The following ATP6V1E2 variants were observed in gnomAD, a reference collection of about 807,000 sequenced individuals.
ATP6V1E2 encodes the protein V-type proton ATPase subunit E 2.
For synonymous variants in ATP6V1E2, 121 were observed against 104.2 expected (o/e 1.16, Z -0.98); for missense variants, 308 against 273.3 (o/e 1.13, Z -0.90).
intron 2 of ATP6V1E2, among the ~76,000 whole-genome samples, chr2:46,538,005 G>GTAGA (rs749662799): frequency 8.5e-5 from 13 of 152,068 alleles, no homozygotes; most frequent in Admixed American, 2.0e-4. Context: ...AAATCATAAT[G>GTAGA]TAGATGCCTC....
chr2:46,527,624 C>G (rs1016926630), intron 4 of ATP6V1E2, among the ~76,000 whole-genome samples: 2 of 152,152 alleles, frequency 1.3e-5, no homozygotes, highest in Non-Finnish European at 2.9e-5. Context: ...CTTCAGCCTC[C>G]CAAAGTGCTG....
chr2:46,512,414 G>A lies in ATP6V1E2; in HGVS notation c.298C>T (p.Leu100=). 6.2e-7 allele frequency: 1 copy of A among 1,614,140 alleles called. No homozygotes were observed. Among genetic ancestry groups the A allele is most frequent in the Non-Finnish European group, 8.5e-7 (1 of 1,180,022 alleles). Residue 100 remains leucine (L), a synonymous_variant, in exon 5 of 5, where the codon CTG becomes TTG. Transcript: ENST00000522587. ...TCCTCCACAATCCTGCTGAGTCTCA[G>A]CTTCGCCTCACTGAGCAAATCTGAG... ...LISDLLSEAK[L]RLSRIVEDPE...
chr2:46,523,570 T>C (rs1158377925), intron 4 of ATP6V1E2, among the ~76,000 whole-genome samples: 1 of 151,918 alleles, frequency 6.6e-6, no homozygotes, highest in African/African-American at 2.4e-5. Flanking sequence ...ATTTCTGAGG[T>C]CTCTGCTCCA....
chr2:46,525,053 A>T (rs549990810), intron 4 of ATP6V1E2, among the ~76,000 whole-genome samples: 109 of 152,308 alleles, frequency 7.2e-4, no homozygotes, highest in African/African-American at 2.5e-3. Flanking sequence ...GAGGGCCAGG[A>T]CACAAGACAA....
At chr2:46,538,935 T>C (rs963617824) in intron 2 of ATP6V1E2, among the ~76,000 whole-genome samples, 21 of 152,136 alleles carry the variant, frequency 1.4e-4, no homozygotes, top group African/African-American at 4.3e-4. Context: ...CACCACTGCA[T>C]TCCAGCCTGG....
intron 4 of ATP6V1E2, among the ~76,000 whole-genome samples, chr2:46,529,246 C>G (rs1248066611): frequency 6.6e-6 from 1 of 152,244 alleles, no homozygotes; most frequent in Admixed American, 6.5e-5. Flanking sequence ...CTCACCATGA[C>G]AAGTCCTGGC....
intron 1 of ATP6V1E2, 116 bp downstream of exon 1, chr2:46,542,101 G>C (rs1343955007): frequency 2.0e-5 from 3 of 152,110 alleles, no homozygotes; most frequent in Admixed American, 6.5e-5. Flanking sequence ...TCGTGCTACG[G>C]AAGGCGTGGG....
At chr2:46,541,483 T>C (rs970209612) in intron 1 of ATP6V1E2, 30 bp from the exon 2 acceptor site, 1 of 152,124 alleles carries the variant, frequency 6.6e-6, no homozygotes, top group Non-Finnish European at 1.5e-5. Flanking sequence ...AATACAACAG[T>C]GAGCATTTCC....
chr2:46,513,401 G>C (rs2103821199), intron 4 of ATP6V1E2, among the ~76,000 whole-genome samples: 1 of 152,276 alleles, frequency 6.6e-6, no homozygotes, highest in African/African-American at 2.4e-5. Flanking sequence ...GCTGCTGTTG[G>C]GTGGAATGTT....
rs1360455513 is a variant in ATP6V1E2 at position 46,530,061 on chromosome 2, C to T, written c.-102+5752G>A. 6.6e-6 allele frequency among the ~76,000 whole-genome samples: 1 copy of T among 152,184 alleles called. No individual in the cohort carries two copies. Among genetic ancestry groups the T allele is most frequent in the African/African-American group, 2.4e-5 (1 of 41,428 alleles). On this transcript the variant is annotated intron_variant, in intron 4 of 4. Transcript: ENST00000522587. The surrounding 1 kb of genome is among the most constrained non-coding windows in gnomAD (Gnocchi z 5.2). ...AAAGGGGGTTGAAGGATATCCCTGA[C>T]TGTAAGGCATCTGCTGGAAATTCCC...
chr2:46,542,523 A>C lies in ATP6V1E2; in HGVS notation c.-680T>G, dbSNP rs944098935. ...GCGCGCCCCTCCGCGCGGCCCTCGC[A>C]GGGAGTGGGGCTCGGGTGCGCCGGC... is the stretch of plus-strand genomic sequence containing the variant. On this transcript the variant is annotated 5_prime_UTR_variant, in exon 1 of 5. Transcript: ENST00000522587. 1.3e-5 allele frequency: 2 copies of C among 149,018 alleles called. No homozygotes were observed. Among genetic ancestry groups the C allele is most frequent in the Non-Finnish European group, 3.0e-5 (2 of 67,296 alleles). 9.2% of individuals were successfully genotyped at this position (149,018 alleles called of 1,614,324 possible). A position where few individuals can be genotyped will look rare whatever the true frequency, so the allele number is the denominator to read the frequency against.
At chr2:46,531,443 G>A (rs892316549) in intron 4 of ATP6V1E2, among the ~76,000 whole-genome samples, 6 of 152,136 alleles carry the variant, frequency 3.9e-5, no homozygotes, top group African/African-American at 1.4e-4. Flanking sequence ...AAACATTTGA[G>A]CTGTCTTCAC....
intron 2 of ATP6V1E2, chr2:46,537,671 C>T (rs1002419811): frequency 1.3e-5 from 2 of 151,988 alleles, no homozygotes; most frequent in Non-Finnish European, 1.5e-5. Flanking sequence ...GAAGTCCATA[C>T]ACTTCCCTCA....
At position 46,511,983 on chromosome 2, in the gene ATP6V1E2, A is replaced by G. The variant is rs1283665737; in HGVS notation, c.*48T>C. 4 of 1,503,794 alleles carry G rather than the reference A, an allele frequency of 2.7e-6. No individual in the cohort carries two copies. In the South Asian group the frequency reaches 5.5e-5, roughly 21 times the overall value. 93.2% of individuals were successfully genotyped at this position (1,503,794 alleles called of 1,614,324 possible). A position where few individuals can be genotyped will look rare whatever the true frequency, so the allele number is the denominator to read the frequency against. ...CTAGTTTCCTTTCCCCAAAAAACTT[A>G]AACTTTTATGGTTTAGTGGTTCAAC... On this transcript the variant is annotated 3_prime_UTR_variant, in exon 5 of 5. Coordinates refer to ENST00000522587, the MANE Select transcript of ATP6V1E2 (RefSeq NM_001318063.2).
At position 46,512,746 on chromosome 2, in the gene ATP6V1E2, C is replaced by T. The variant is rs772291648; in HGVS notation, c.-35G>A. Reference sequence around the variant, plus strand: ...CAGAGGGGACGGCAGAGAGGGAGCTCGTACACCGTTTGGCTCCTTTGACTT... The same window carrying T: ...CAGAGGGGACGGCAGAGAGGGAGCTTGTACACCGTTTGGCTCCTTTGACTT... On this transcript the variant is annotated 5_prime_UTR_variant, in exon 5 of 5. Coordinates refer to ENST00000522587, the MANE Select transcript of ATP6V1E2 (RefSeq NM_001318063.2). 1.8e-5 allele frequency: 28 copies of T among 1,566,036 alleles called. No individual in the cohort carries two copies. Among genetic ancestry groups the T allele is most frequent in the East Asian group, 4.5e-5 (2 of 44,564 alleles).
intron 4 of ATP6V1E2, among the ~76,000 whole-genome samples, chr2:46,522,417 GGT>G (rs1384675887): frequency 6.6e-6 from 1 of 151,844 alleles, no homozygotes; most frequent in Non-Finnish European, 1.5e-5. Flanking sequence ...AAAAAGCCCT[GGT>G]GTGTGATGTT....
In ATP6V1E2 at chr2:46,542,220, T is replaced by G. The variant is rs1450501115; in HGVS notation, c.-377A>C. On this transcript the variant is annotated 5_prime_UTR_variant, in exon 1 of 5. Transcript: ENST00000522587. ...ATTTTTTTTTTTTTTTTTTTACCCT[T>G]TTGGTCTCTCCTCCTTGATTTCTAG... 1 of 148,842 alleles carries G rather than the reference T, an allele frequency of 6.7e-6. No homozygotes were observed. Among genetic ancestry groups the G allele is most frequent in the Non-Finnish European group, 1.5e-5 (1 of 66,598 alleles). 9.2% of individuals were successfully genotyped at this position (148,842 alleles called of 1,614,324 possible).
At chr2:46,532,980 T>C (rs1296889616) in intron 4 of ATP6V1E2, among the ~76,000 whole-genome samples, 1 of 151,950 alleles carries the variant, frequency 6.6e-6, no homozygotes. Flanking sequence ...TTGTTATTAT[T>C]GTTATAGGTT....
At chr2:46,518,413 G>C (rs1467133531) in intron 4 of ATP6V1E2, among the ~76,000 whole-genome samples, 9 of 151,560 alleles carry the variant, frequency 5.9e-5, no homozygotes, top group Non-Finnish European at 2.9e-5. Flanking sequence ...AAGTTCTAGA[G>C]ACCTGCTGTA....
Sources: allele counts gnomAD v4.1 joint callset (sites outside exome capture counted in the v4.1 genomes callset), GRCh38; gene constraint gnomAD v4.1.1; non-coding constraint Gnocchi (gnomAD v3.1); transcripts MANE v1.5; gene names NCBI Gene and HGNC (gene_info 2026-07-23, HGNC 2026-07-21).